The following IL1RAPL2 variants were observed in gnomAD, a reference collection of about 807,000 sequenced individuals.
IL1RAPL2 encodes the protein X-linked interleukin-1 receptor accessory protein-like 2.
A neutral mutation model predicts 44.1 loss-of-function variants in IL1RAPL2; 3 were observed. The ratio of observed to expected loss-of-function variants is 0.07; its 90% CI spans 0.03 to 0.18. The LOEUF is 0.18. Ranked by LOEUF, IL1RAPL2 falls within the 10% of genes least tolerant of loss-of-function variation. The pLI, the probability that IL1RAPL2 is intolerant of heterozygous loss-of-function variation, is 1.00. For missense variants in IL1RAPL2, 391 were observed against 496.4 expected (o/e 0.79, Z 2.02); for synonymous variants, 181 against 178.8 (o/e 1.01, Z -0.10).
At chrX:104,689,333 T>TG (rs1327336803) in intron 2 of IL1RAPL2, among the ~76,000 whole-genome samples, 1 of 111,415 alleles carries the variant, frequency 9.0e-6, no homozygotes, top group Non-Finnish European at 1.9e-5. Context: ...ATGAGGCACA[T>TG]GCTTACCTAA....
intron 6 of IL1RAPL2, among the ~76,000 whole-genome samples, chrX:105,574,023 T>A (rs367548038): frequency 2.7e-5 from 3 of 111,119 alleles, no homozygotes; most frequent in East Asian, 5.7e-4. Flanking sequence ...GGAGTTGCCC[T>A]TGAGTAAGTT....
chrX:104,682,679 G>A (rs757409178), intron 2 of IL1RAPL2, among the ~76,000 whole-genome samples: 1 of 111,904 alleles, frequency 8.9e-6, no homozygotes, highest in African/African-American at 3.2e-5. Context: ...GAATGAATGA[G>A]TATATGAACA....
intron 2 of IL1RAPL2, among the ~76,000 whole-genome samples, chrX:105,187,221 T>C (rs1283889239): frequency 1.8e-5 from 2 of 112,486 alleles, no homozygotes; most frequent in Non-Finnish European, 3.7e-5. Context: ...TTAACCCTAA[T>C]GTGAGCATTA....
chrX:105,496,799 T>TTA (rs2036359463), intron 6 of IL1RAPL2, among the ~76,000 whole-genome samples: 1 of 111,802 alleles, frequency 8.9e-6, no homozygotes, highest in Admixed American at 9.5e-5. Flanking sequence ...ATGACTGCTA[T>TTA]TATATATATG....
chrX:105,180,913 GTTC>G (rs1556130475), intron 2 of IL1RAPL2, among the ~76,000 whole-genome samples: 10 of 110,238 alleles, frequency 9.1e-5, no homozygotes, highest in Non-Finnish European at 5.7e-5. Context: ...ATTGGTATTA[GTTC>G]TTCTTTTTAT....
chrX:105,412,950 T>C (rs1394796117), intron 5 of IL1RAPL2, among the ~76,000 whole-genome samples: 1 of 112,073 alleles, frequency 8.9e-6, no homozygotes, highest in East Asian at 2.8e-4. Context: ...ATTCAAAATA[T>C]AATATGGAAT....
chrX:104,994,689 G>C (rs1295999434), intron 2 of IL1RAPL2, among the ~76,000 whole-genome samples: 1 of 110,973 alleles, frequency 9.0e-6, no homozygotes, highest in Admixed American at 9.6e-5. Flanking sequence ...AGGCTTTAAG[G>C]ATGTGCAATG....
chrX:105,082,143 C>A (rs1207948995), intron 2 of IL1RAPL2, among the ~76,000 whole-genome samples: 4 of 111,458 alleles, frequency 3.6e-5, no homozygotes, highest in African/African-American at 6.5e-5. Context: ...ATTACTGCCT[C>A]AATTTCAGAA....
intron 2 of IL1RAPL2, among the ~76,000 whole-genome samples, chrX:104,821,316 T>C (rs1241319119): frequency 9.0e-6 from 1 of 110,965 alleles, no homozygotes; most frequent in African/African-American, 3.3e-5. Flanking sequence ...TACAGAGGTA[T>C]ACGTGTGCCA....
intron 2 of IL1RAPL2, among the ~76,000 whole-genome samples, chrX:104,863,267 G>GCC (rs1254676231): frequency 9.0e-6 from 1 of 111,510 alleles, no homozygotes; most frequent in Admixed American, 9.6e-5. Context: ...AGACACTAAA[G>GCC]CCCAGATCCA....
chrX:104,758,680 A>G (rs1002402095), intron 2 of IL1RAPL2, among the ~76,000 whole-genome samples: 1 of 112,086 alleles, frequency 8.9e-6, no homozygotes, highest in Non-Finnish European at 1.9e-5. Context: ...AAGTGTGTAA[A>G]TGCATGGTAA....
intron 2 of IL1RAPL2, among the ~76,000 whole-genome samples, chrX:105,020,418 CTGT>C (rs2031264815): frequency 1.8e-5 from 2 of 112,044 alleles, no homozygotes; most frequent in African/African-American, 6.5e-5. Flanking sequence ...GCTTCTGCTG[CTGT>C]TGTTGTGACA....
At chrX:104,573,796 G>T (rs1928191691) in intron 1 of IL1RAPL2, among the ~76,000 whole-genome samples, 1 of 111,897 alleles carries the variant, frequency 8.9e-6, no homozygotes, top group Non-Finnish European at 1.9e-5. Context: ...AGTGTCCAAA[G>T]AAATAATCTT....
At chrX:105,669,932 T>C (rs2037802996) in intron 6 of IL1RAPL2, among the ~76,000 whole-genome samples, 1 of 105,873 alleles carries the variant, frequency 9.4e-6, no homozygotes, top group Non-Finnish European at 1.9e-5. Flanking sequence ...TTTTATTATA[T>C]AACTTGTGAG....
chrX:104,804,043 C>G (rs1485528419), intron 2 of IL1RAPL2: 1 of 114,912 alleles, frequency 8.7e-6, no homozygotes, highest in Non-Finnish European at 1.8e-5. Context: ...AGTCCCGCTT[C>G]TGGTACTTTG....
chrX:104,676,400 TTTTC>T (rs1930758645), intron 2 of IL1RAPL2, among the ~76,000 whole-genome samples: 1 of 111,755 alleles, frequency 8.9e-6, no homozygotes, highest in Non-Finnish European at 1.9e-5. Context: ...TTGAAAATTC[TTTTC>T]TTTAAGAATG....
intron 5 of IL1RAPL2, among the ~76,000 whole-genome samples, chrX:105,344,092 G>A (rs751660297): frequency 1.8e-5 from 2 of 111,089 alleles, no homozygotes; most frequent in Non-Finnish European, 3.8e-5. Context: ...ACGGGGTTTT[G>A]CCATGTTGGC....
In IL1RAPL2 at chrX:105,633,299, A is replaced by G. The variant is rs553262085; in HGVS notation, c.773-84068A>G. On this transcript the variant is annotated intron_variant, in intron 6 of 10. Transcript: ENST00000372582. ...TTAGAGAATGACCATCCATAATTCC[A>G]TAAGTTCTTACTTAAGGTGATTTTT... Among the ~76,000 whole-genome samples the G allele has an allele frequency of 1.7e-4, 19 of 112,146 alleles. 1 individual carries two copies. The South Asian group carries it at 5.9e-3, about 35-fold the overall frequency.
intron 2 of IL1RAPL2, among the ~76,000 whole-genome samples, chrX:104,996,834 C>T (rs377316555): frequency 3.6e-5 from 4 of 111,033 alleles, no homozygotes; most frequent in African/African-American, 1.3e-4. Flanking sequence ...CTGGGGGTTT[C>T]CTGTTAATTA....
Sources: gnomAD v4.1 joint callset for allele counts (sites outside exome capture counted in the v4.1 genomes callset) on GRCh38, gnomAD v4.1.1 for gene constraint, MANE v1.5 for transcripts, NCBI Gene and HGNC (gene_info 2026-07-23, HGNC 2026-07-21) for gene names.